The following ELP3 variants were observed in gnomAD, a reference collection of about 807,000 sequenced individuals.
ELP3 encodes elongator complex protein 3.
A neutral mutation model predicts 74.9 loss-of-function variants in ELP3; 56 were observed. The observed-to-expected ratio is 0.75, with a 90% CI of 0.60 to 0.93. ELP3 has a LOEUF of 0.93. ELP3 is among the 40% of genes least tolerant of loss of function. The probability of loss-of-function intolerance (pLI) is 0.00; values close to 1 mark genes in which losing one functional copy is unlikely to be tolerated. For synonymous variants in ELP3, 222 were observed against 239.8 expected (o/e 0.93, Z 0.68); for missense variants, 573 against 686.5 (o/e 0.83, Z 1.85).
At chr8:28,097,617 C>T (rs1364667555) in intron 2 of ELP3, among the ~76,000 whole-genome samples, 2 of 152,080 alleles carry the variant, frequency 1.3e-5, no homozygotes, top group East Asian at 1.9e-4. Context: ...AGGACGGTCT[C>T]GATCTCCTGA....
chr8:28,103,303 C>T (rs867623999), intron 3 of ELP3, among the ~76,000 whole-genome samples: 1 of 152,162 alleles, frequency 6.6e-6, no homozygotes, highest in Non-Finnish European at 1.5e-5. Flanking sequence ...TCCAGAGTGT[C>T]ATGTACAGTA....
chr8:28,158,549 C>T lies in ELP3; in HGVS notation c.1192-19C>T, dbSNP rs567328152. ...CCCTCCCACCCCCCAACCCCGCTCACGCCATTTTTTTTTGACAGTGTCGAG... is the reference window on the plus strand; with the variant it reads ...CCCTCCCACCCCCCAACCCCGCTCATGCCATTTTTTTTTGACAGTGTCGAG... On this transcript the variant is annotated intron_variant, in intron 11 of 14. Transcript: ENST00000256398. 1.8e-5 allele frequency: 29 copies of T among 1,602,468 alleles called. No homozygotes were observed. The highest frequency in any genetic ancestry group is 8.1e-5 in the African/African-American group (6 of 74,352).
At chr8:28,107,021 G>T (rs1457115479) in intron 4 of ELP3, among the ~76,000 whole-genome samples, 1 of 152,210 alleles carries the variant, frequency 6.6e-6, no homozygotes, top group East Asian at 1.9e-4. Flanking sequence ...GGCTGAGGCA[G>T]GTGGATCACC....
chr8:28,155,956 C>A lies in ELP3; in HGVS notation c.1115C>A (p.Pro372His). Reference protein sequence around the residue: ...VYRVQRDIPMPLVSSGVEHGN... With the variant: ...VYRVQRDIPMHLVSSGVEHGN... ...CCTGTGTACAGGGATATTCCAATGC[C>A]TTTAGTTAGCTCAGGAGTAGAGCAT... is the stretch of plus-strand genomic sequence containing the variant. Residue 372 changes from proline to histidine, a missense_variant, in exon 11 of 15, where the codon CCT becomes CAT. Transcript: ENST00000256398. 1.2e-6 allele frequency: 2 copies of A among 1,613,730 alleles called. No individual in the cohort carries two copies. The highest frequency in any genetic ancestry group is 1.7e-6 in the Non-Finnish European group (2 of 1,179,730).
At chr8:28,127,529 AT>A (rs1288401108) in intron 7 of ELP3, among the ~76,000 whole-genome samples, 1 of 152,110 alleles carries the variant, frequency 6.6e-6, no homozygotes, top group Admixed American at 6.6e-5. Flanking sequence ...TCTCCATAAT[AT>A]ATGAATATTT....
At chr8:28,186,115 G>A (rs1259476925) in intron 14 of ELP3, among the ~76,000 whole-genome samples, 1 of 152,124 alleles carries the variant, frequency 6.6e-6, no homozygotes, top group East Asian at 1.9e-4. Flanking sequence ...ACTTACATGT[G>A]GTATCTACAG....
intron 14 of ELP3, among the ~76,000 whole-genome samples, chr8:28,170,465 C>T (rs1227348258): frequency 6.6e-6 from 1 of 152,160 alleles, no homozygotes; most frequent in Non-Finnish European, 1.5e-5. Flanking sequence ...TGCACCTGAC[C>T]CTTTGTGTGC....
At chr8:28,158,507 C>A in intron 11 of ELP3, 61 bp from the exon 12 acceptor site, 1 of 1,088,750 alleles carries the variant, frequency 9.2e-7, no homozygotes, top group South Asian at 1.3e-5. Context: ...AATTGGTTAC[C>A]AGTTTTATAT....
At chr8:28,180,668 T>C (rs1003788316) in intron 14 of ELP3, among the ~76,000 whole-genome samples, 9 of 152,344 alleles carry the variant, frequency 5.9e-5, no homozygotes, top group African/African-American at 2.2e-4. Flanking sequence ...AAGACCTAGG[T>C]GATGCTAGCT....
intron 1 of ELP3, among the ~76,000 whole-genome samples, chr8:28,094,927 CGATAATAT>C (rs778601054): frequency 2.0e-5 from 3 of 151,992 alleles, no homozygotes; most frequent in Non-Finnish European, 4.4e-5. Flanking sequence ...TTCTTTGTAC[CGATAATAT>C]TCTTACCTTC....
At chr8:28,111,014 GGCT>G (rs1226418002) in intron 6 of ELP3, 1 of 153,564 alleles carries the variant, frequency 6.5e-6, no homozygotes, top group Non-Finnish European at 1.4e-5. Context: ...GGAAGGTCAA[GGCT>G]GCAGTGAGCT....
chr8:28,092,988 C>G (rs1811098602), upstream of ELP3: 1 of 682,844 alleles, frequency 1.5e-6, no homozygotes, highest in African/African-American at 1.8e-5. Flanking sequence ...CCCTGAGACC[C>G]GGGGCAGGAT....
intron 12 of ELP3, 82 bp from the exon 13 acceptor site, chr8:28,160,147 C>A: frequency 7.9e-7 from 1 of 1,268,776 alleles, no homozygotes; most frequent in Admixed American, 2.3e-5. Flanking sequence ...TAGATATTAA[C>A]CTAAATAAAT....
intron 7 of ELP3, among the ~76,000 whole-genome samples, chr8:28,115,018 A>C (rs948440481): frequency 1.3e-5 from 2 of 152,160 alleles, no homozygotes; most frequent in African/African-American, 4.8e-5. Flanking sequence ...GTAAGAGAAA[A>C]GAAGGGATCA....
intron 10 of ELP3, among the ~76,000 whole-genome samples, chr8:28,140,737 T>C (rs1275043571): frequency 6.6e-6 from 1 of 152,200 alleles, no homozygotes; most frequent in Non-Finnish European, 1.5e-5. Flanking sequence ...CGCCATTTAG[T>C]ATGGCCCCCA....
chr8:28,145,390 A>G (rs1813392162), intron 10 of ELP3, among the ~76,000 whole-genome samples: 2 of 152,256 alleles, frequency 1.3e-5, no homozygotes, highest in East Asian at 3.8e-4. Flanking sequence ...CTGGCAAAGG[A>G]GAAAAGTCTC....
At position 28,132,272 on chromosome 8, in the gene ELP3, C is replaced by T. The variant is rs1812810866; in HGVS notation, c.780-6C>T. On this transcript the variant is annotated splice_region_variant and splice_polypyrimidine_tract_variant and intron_variant, in intron 8 of 14. Coordinates refer to ENST00000256398, the MANE Select transcript of ELP3 (RefSeq NM_018091.6). ...ATTTTCACAGGTAGTGATTTTCTTT[C>T]CTTAGGGGCCACACTGTGAAGGCAG... 2.5e-6 allele frequency: 4 copies of T among 1,613,714 alleles called. No individual in the cohort carries two copies. The highest frequency in any genetic ancestry group is 2.7e-5 in the African/African-American group (2 of 74,874).
chr8:28,152,369 C>G (rs1813672960), intron 10 of ELP3, among the ~76,000 whole-genome samples: 1 of 152,226 alleles, frequency 6.6e-6, no homozygotes, highest in Non-Finnish European at 1.5e-5. Context: ...AGTCCCTTAT[C>G]AGATACATGA....
chr8:28,122,812 T>C (rs1812425033), intron 7 of ELP3, among the ~76,000 whole-genome samples: 1 of 152,216 alleles, frequency 6.6e-6, no homozygotes, highest in Non-Finnish European at 1.5e-5. Context: ...TGCTCTTCTT[T>C]TTCTAGTGAT....
Sources: allele counts gnomAD v4.1 joint callset (sites outside exome capture counted in the v4.1 genomes callset), GRCh38; gene constraint gnomAD v4.1.1; transcripts MANE v1.5; gene names NCBI Gene and HGNC (gene_info 2026-07-23, HGNC 2026-07-21).